Variants in VPS54 observed in about 807,000 individuals in gnomAD.
The protein encoded by VPS54 is VPS54 subunit of GARP complex.
VPS54 carries 45 observed loss-of-function variants against 121.5 expected under a neutral mutation model. That is an observed-to-expected ratio of 0.37 (90% CI 0.29 to 0.47). The LOEUF (loss-of-function observed/expected upper bound fraction) is 0.47. Ranked by LOEUF, VPS54 falls within the 20% of genes least tolerant of loss-of-function variation. The probability of loss-of-function intolerance (pLI) is 0.99; values close to 1 mark genes in which losing one functional copy is unlikely to be tolerated. For synonymous variants in VPS54, 371 were observed against 385.8 expected (o/e 0.96, Z 0.45); for missense variants, 1,090 against 1,131.4 (o/e 0.96, Z 0.52).
At chr2:63,992,717 A>T (rs2104648315) in intron 1 of VPS54, among the ~76,000 whole-genome samples, 1 of 152,392 alleles carries the variant, frequency 6.6e-6, no homozygotes, top group Admixed American at 6.5e-5. Flanking sequence ...TAACCAATTT[A>T]AGGGCCATTA....
intron 22 of VPS54, among the ~76,000 whole-genome samples, chr2:63,894,837 GTAAATT>G (rs1002792346): frequency 6.6e-6 from 1 of 152,024 alleles, no homozygotes; most frequent in Non-Finnish European, 1.5e-5. Context: ...TACCATATAA[GTAAATT>G]TACAAAACAG....
intron 8 of VPS54, 113 bp downstream of exon 8, chr2:63,948,924 G>A: frequency 7.5e-7 from 1 of 1,331,186 alleles, no homozygotes; most frequent in Non-Finnish European, 1.0e-6. Flanking sequence ...TCATAGGTCT[G>A]ATAGCCCTTG....
chr2:63,895,711 G>A (rs1672418985), intron 22 of VPS54, among the ~76,000 whole-genome samples: 1 of 152,158 alleles, frequency 6.6e-6, no homozygotes, highest in South Asian at 2.1e-4. Flanking sequence ...TTTTAAGCAG[G>A]TAGTTTATGT....
intron 11 of VPS54, among the ~76,000 whole-genome samples, chr2:63,939,750 G>A (rs1403438441): frequency 6.7e-6 from 1 of 148,300 alleles, no homozygotes; most frequent in African/African-American, 2.4e-5. Context: ...CACTATATAA[G>A]TACATCTACA....
chr2:63,901,211 C>T (rs973358029), intron 20 of VPS54, among the ~76,000 whole-genome samples: 10 of 152,088 alleles, frequency 6.6e-5, no homozygotes, highest in African/African-American at 1.2e-4. Context: ...ATACAAAAAA[C>T]AGATAATCTG....
At chr2:63,958,374 G>A (rs1351247667) in intron 7 of VPS54, among the ~76,000 whole-genome samples, 1 of 152,192 alleles carries the variant, frequency 6.6e-6, no homozygotes, top group Non-Finnish European at 1.5e-5. Flanking sequence ...TAGAAAAAAT[G>A]TGATGTTAGG....
chr2:63,949,337 C>A (rs560373750), intron 7 of VPS54, among the ~76,000 whole-genome samples, 174 bp from the exon 8 acceptor site: 5 of 152,262 alleles, frequency 3.3e-5, no homozygotes, highest in African/African-American at 1.2e-4. Context: ...AACATTTCAT[C>A]TTCTAAATTC....
At chr2:63,920,046 T>A in intron 14 of VPS54, 51 bp from the exon 15 acceptor site, 1 of 1,465,726 alleles carries the variant, frequency 6.8e-7, no homozygotes. Context: ...TTCAATACCA[T>A]CTTCCTTGGT....
intron 11 of VPS54, among the ~76,000 whole-genome samples, chr2:63,938,014 C>CAGGGGAT (rs1674530950): frequency 6.9e-6 from 1 of 145,508 alleles, no homozygotes; most frequent in African/African-American, 2.6e-5. Context: ...TGGTGGTTGC[C>CAGGGGAT]AGGGGATTGG....
In VPS54 at chr2:63,912,373, T is replaced by TC; in HGVS notation, c.2596dup (p.Asp866GlyfsTer2). 2 of 1,611,380 alleles carry TC rather than the reference T, an allele frequency of 1.2e-6. No individual in the cohort carries two copies. The highest frequency in any genetic ancestry group is 1.7e-6 in the Non-Finnish European group (2 of 1,178,526). On this transcript the variant is annotated frameshift_variant, in exon 20 of 23. Coordinates refer to ENST00000272322, the MANE Select transcript of VPS54 (RefSeq NM_016516.3). LOFTEE classifies it high-confidence loss of function. ...AGATAACAGCTTGTCAAATAAGCTA[T>TC]CCATTATCGCTACAAGCTTAGCTGA...
intron 1 of VPS54, among the ~76,000 whole-genome samples, chr2:63,985,010 T>C (rs1676977331): frequency 6.6e-6 from 1 of 151,844 alleles, no homozygotes; most frequent in Non-Finnish European, 1.5e-5. Flanking sequence ...GGCAAAAAGA[T>C]AAATAAGAGT....
chr2:63,899,408 C>T (rs753151957), intron 21 of VPS54, 66 bp downstream of exon 21: 2 of 1,382,150 alleles, frequency 1.4e-6, no homozygotes, highest in Non-Finnish European at 2.0e-6. Context: ...CATGTAAAAA[C>T]ACCCCAATTC....
At chr2:63,941,090 G>A (rs116129046) in intron 11 of VPS54, among the ~76,000 whole-genome samples, 2,691 of 152,302 alleles carry the variant, frequency 0.018, 34 homozygotes, top group Non-Finnish European at 0.022. Context: ...TGGTACTCAG[G>A]AGATGCTGGG....
Position 63,961,907 on chromosome 2 carries a change from T to C in VPS54, c.1010+151A>G, listed in dbSNP as rs960423845. The C allele has an allele frequency of 9.4e-6, 8 of 847,326 alleles. No homozygotes were observed. In the African/African-American group the frequency reaches 1.2e-4, roughly 13 times the overall value. 52.5% of individuals were successfully genotyped at this position (847,326 alleles called of 1,614,324 possible). On this transcript the variant is annotated intron_variant, in intron 7 of 22. Transcript: ENST00000272322. ...GGTTTTTGTTTTGCTAATACTACAA[T>C]ATCAGAATAACATTATTAAACAAAT... is the stretch of plus-strand genomic sequence containing the variant.
intron 10 of VPS54, among the ~76,000 whole-genome samples, chr2:63,943,730 T>TC (rs70965153): frequency 1.5e-4 from 21 of 137,470 alleles, no homozygotes; most frequent in African/African-American, 2.2e-4. Flanking sequence ...TTTCTTTCTT[T>TC]TTTTTTTTTT....
intron 1 of VPS54, among the ~76,000 whole-genome samples, chr2:64,009,573 C>A (rs1678331830): frequency 1.3e-5 from 2 of 152,178 alleles, no homozygotes; most frequent in South Asian, 4.1e-4. Flanking sequence ...GCCTCAGCCT[C>A]CCAAAGTGCT....
In VPS54 at chr2:63,923,466, A is replaced by G. The variant is rs192377845; in HGVS notation, c.1740-2131T>C. ...TAAGATCTCTAGGATTTATATGTACACTCAAGTTCATAACAGCACTATTCA... is the reference window on the plus strand; with the variant it reads ...TAAGATCTCTAGGATTTATATGTACGCTCAAGTTCATAACAGCACTATTCA... On this transcript the variant is annotated intron_variant, in intron 12 of 22. Transcript: ENST00000272322. Among the ~76,000 whole-genome samples the G allele has an allele frequency of 4.2e-3, 634 of 152,306 alleles. 3 individuals are homozygous for G. The highest frequency in any genetic ancestry group is 0.015 in the African/African-American group (615 of 41,554).
intron 1 of VPS54, among the ~76,000 whole-genome samples, chr2:64,010,172 TA>T (rs1212883446): frequency 6.6e-6 from 1 of 152,164 alleles, no homozygotes; most frequent in Non-Finnish European, 1.5e-5. Flanking sequence ...TGAACTTTTT[TA>T]AAAAAAGTCT....
chr2:63,897,462 TG>T, intron 22 of VPS54, 33 bp downstream of exon 22: 2 of 1,353,062 alleles, frequency 1.5e-6, no homozygotes, highest in East Asian at 2.4e-5. Flanking sequence ...CAATTCGATA[TG>T]GGAGTATATG....
Sources: gnomAD v4.1 joint callset for allele counts (sites outside exome capture counted in the v4.1 genomes callset) on GRCh38, gnomAD v4.1.1 for gene constraint, MANE v1.5 for transcripts, NCBI Gene and HGNC (gene_info 2026-07-23, HGNC 2026-07-21) for gene names.